HHAT: variants seen among roughly 807,000 people sequenced by gnomAD.
HHAT encodes protein-cysteine N-palmitoyltransferase HHAT.
In HHAT, 47 loss-of-function variants were observed where a neutral mutation model predicts 70.8. The observed-to-expected ratio is 0.66, with a 90% CI of 0.53 to 0.85. The LOEUF (loss-of-function observed/expected upper bound fraction) is 0.85. Ranked by LOEUF, HHAT falls within the 40% of genes least tolerant of loss-of-function variation. The pLI is 0.00. For missense variants in HHAT, 609 were observed against 604.8 expected, an observed-to-expected ratio of 1.01 and a Z score of -0.07; for synonymous variants, 228 against 247.6, an observed-to-expected ratio of 0.92 and a Z score of 0.74.
At chr1:210,584,157 G>A (rs1286342499) in intron 9 of HHAT, among the ~76,000 whole-genome samples, 1 of 151,762 alleles carries the variant, frequency 6.6e-6, no homozygotes, top group Non-Finnish European at 1.5e-5. Context: ...GGCCAGGCTG[G>A]TCTCGAACTC....
chr1:210,549,657 G>T (rs567305874), intron 9 of HHAT, among the ~76,000 whole-genome samples: 1 of 148,606 alleles, frequency 6.7e-6, no homozygotes, highest in Admixed American at 6.9e-5. Context: ...TGTAAAGTGA[G>T]CAGAATAATA....
At chr1:210,454,175 A>G (rs1441195796) in intron 7 of HHAT, among the ~76,000 whole-genome samples, 2 of 152,106 alleles carry the variant, frequency 1.3e-5, no homozygotes, top group Non-Finnish European at 2.9e-5. Context: ...TTAAGTTGAG[A>G]TTTGGGTGGG....
chr1:210,638,143 A>G (rs12408013), intron 11 of HHAT, among the ~76,000 whole-genome samples: 3,312 of 152,332 alleles, frequency 0.022, 78 homozygotes, highest in East Asian at 0.054. Flanking sequence ...AGTTTCTTAA[A>G]AAGTTAAACA....
chr1:210,547,854 T>C (rs2095496902), intron 9 of HHAT, among the ~76,000 whole-genome samples: 1 of 152,196 alleles, frequency 6.6e-6, no homozygotes. Flanking sequence ...TGAGCAGATG[T>C]GTTACCCCAG....
rs144452104 is a variant in HHAT, at chr1:210,385,725, A to G, written c.160-1743A>G. 2.0e-5 allele frequency among the ~76,000 whole-genome samples: 3 copies of G among 152,350 alleles called. No homozygotes were observed. In the East Asian group the frequency reaches 5.8e-4, roughly 29 times the overall value. ...TAAAATGAGTGGCACAAAGTAAAGC[A>G]TGATACGGTCTTGGCTGGTGGTTTA... is the stretch of plus-strand genomic sequence containing the variant. On this transcript the variant is annotated intron_variant, in intron 3 of 11. Transcript: ENST00000261458.
chr1:210,348,400 C>CTATA (rs548029632), intron 1 of HHAT, among the ~76,000 whole-genome samples: 24 of 152,270 alleles, frequency 1.6e-4, no homozygotes, highest in African/African-American at 5.5e-4. Flanking sequence ...CATGCCTGGC[C>CTATA]TATAGTATGA....
At chr1:210,580,352 C>G (rs774131683) in intron 9 of HHAT, among the ~76,000 whole-genome samples, 1 of 148,996 alleles carries the variant, frequency 6.7e-6, no homozygotes, top group Non-Finnish European at 1.5e-5. Context: ...TTGTGTACAT[C>G]TTCCTTTGAA....
At chr1:210,342,050 ATCT>A (rs1262100848) in intron 1 of HHAT, among the ~76,000 whole-genome samples, 4 of 151,862 alleles carry the variant, frequency 2.6e-5, no homozygotes, top group Non-Finnish European at 1.5e-5. Context: ...TTGCTGTTTT[ATCT>A]TCTTCATCTT....
chr1:210,627,078 A>T (rs2148882109), intron 11 of HHAT, among the ~76,000 whole-genome samples: 1 of 152,328 alleles, frequency 6.6e-6, no homozygotes, highest in South Asian at 2.1e-4. Context: ...GTTTAAGGGA[A>T]AGGTGGCCCT....
intron 8 of HHAT, among the ~76,000 whole-genome samples, chr1:210,482,569 G>C (rs2094413436): frequency 1.3e-5 from 2 of 152,106 alleles, no homozygotes; most frequent in African/African-American, 4.8e-5. Flanking sequence ...CGTGATCCCA[G>C]CCCTTGAAAG....
rs2095504022 is a variant in HHAT, at chr1:210,548,689, G to T, written c.1043+35501G>T. On this transcript the variant is annotated intron_variant, in intron 9 of 11. Coordinates refer to ENST00000261458, the MANE Select transcript of HHAT (RefSeq NM_018194.6). ...AGAACTTGCACAGAAATTTAAGTTG[G>T]ATCTCCGTGAAGAAGGAAATCACTG... Among the ~76,000 whole-genome samples, 3 of 152,144 alleles carry T rather than the reference G, an allele frequency of 2.0e-5. No homozygotes were observed. The South Asian group carries it at 6.2e-4, about 32-fold the overall frequency.
At chr1:210,482,317 T>C (rs2094409450) in intron 8 of HHAT, among the ~76,000 whole-genome samples, 1 of 152,178 alleles carries the variant, frequency 6.6e-6, no homozygotes. Flanking sequence ...AGTTAAACTG[T>C]GGGATTACAG....
intron 3 of HHAT, among the ~76,000 whole-genome samples, chr1:210,368,213 C>G (rs1266575928): frequency 1.3e-5 from 2 of 152,058 alleles, no homozygotes; most frequent in African/African-American, 2.4e-5. Context: ...ATCATAGATT[C>G]TTGGCATAAT....
chr1:210,408,096 A>G (rs2092402453), intron 6 of HHAT, among the ~76,000 whole-genome samples: 1 of 152,172 alleles, frequency 6.6e-6, no homozygotes, highest in African/African-American at 2.4e-5. Context: ...GAAGAATAAT[A>G]GTGCCTCCCT....
intron 9 of HHAT, among the ~76,000 whole-genome samples, chr1:210,521,914 T>G (rs192232831): frequency 2.0e-5 from 3 of 152,298 alleles, no homozygotes; most frequent in South Asian, 4.1e-4. Flanking sequence ...CTGTATTCAG[T>G]CTTGCAGTTT....
At chr1:210,540,604 A>G (rs998077339) in intron 9 of HHAT, among the ~76,000 whole-genome samples, 4 of 150,886 alleles carry the variant, frequency 2.7e-5, no homozygotes. Flanking sequence ...AACACACACT[A>G]TGTGTATGTT....
chr1:210,433,855 C>G (rs2093314026), intron 7 of HHAT, among the ~76,000 whole-genome samples: 1 of 151,994 alleles, frequency 6.6e-6, no homozygotes, highest in East Asian at 1.9e-4. Flanking sequence ...CCAGGAAGAT[C>G]TTCCTGAGCA....
At chr1:210,523,766 A>G (rs962098262) in intron 9 of HHAT, among the ~76,000 whole-genome samples, 5 of 152,220 alleles carry the variant, frequency 3.3e-5, no homozygotes, top group Non-Finnish European at 7.3e-5. Context: ...AAAAATGTAA[A>G]AGGACTTAGT....
intron 3 of HHAT, among the ~76,000 whole-genome samples, chr1:210,382,092 G>C (rs1486845846): frequency 6.6e-6 from 1 of 152,186 alleles, no homozygotes; most frequent in Non-Finnish European, 1.5e-5. Context: ...GTTGTGATCT[G>C]GCAAGGTTTA....
Sources: gnomAD v4.1 joint callset for allele counts (sites outside exome capture counted in the v4.1 genomes callset) on GRCh38, gnomAD v4.1.1 for gene constraint, MANE v1.5 for transcripts, NCBI Gene and HGNC (gene_info 2026-07-23, HGNC 2026-07-21) for gene names.